Variants in SESTD1 observed in about 807,000 individuals in gnomAD.
The protein encoded by SESTD1 is SEC14 domain and spectrin repeat-containing protein 1.
A neutral mutation model predicts 101.7 loss-of-function variants in SESTD1; 43 were observed. The observed-to-expected ratio is 0.42, with a 90% confidence interval of 0.33 to 0.55. SESTD1 has a LOEUF of 0.55. SESTD1 is among the 20% of genes least tolerant of loss of function. The pLI is 0.07. For synonymous variants in SESTD1, 283 were observed against 286.8 expected, an observed-to-expected ratio of 0.99 and a Z score of 0.13; for missense variants, 647 against 815.1, an observed-to-expected ratio of 0.79 and a Z score of 2.51.
intron 1 of SESTD1, among the ~76,000 whole-genome samples, chr2:179,239,095 T>C (rs1298272188): frequency 6.6e-6 from 1 of 152,184 alleles, no homozygotes; most frequent in Non-Finnish European, 1.5e-5. Context: ...CTATGTATCT[T>C]AGTATCTGAC....
At chr2:179,115,791 C>T (rs571167561) in intron 15 of SESTD1, among the ~76,000 whole-genome samples, 1 of 151,706 alleles carries the variant, frequency 6.6e-6, no homozygotes, top group East Asian at 2.0e-4. Context: ...AGAAAAAAGT[C>T]TCCTTCTGTT....
intron 1 of SESTD1, among the ~76,000 whole-genome samples, chr2:179,249,408 C>G (rs1020198445): frequency 6.6e-6 from 1 of 151,892 alleles, no homozygotes; most frequent in Non-Finnish European, 1.5e-5. Flanking sequence ...AAAAACAATA[C>G]CATTTATAAT....
At chr2:179,152,237 A>G (rs946586324) in intron 5 of SESTD1, among the ~76,000 whole-genome samples, 41 of 152,344 alleles carry the variant, frequency 2.7e-4, no homozygotes, top group African/African-American at 9.9e-4. Flanking sequence ...CTGCAAAATT[A>G]TAACTTTTTC....
chr2:179,159,925 G>A (rs567251454), intron 5 of SESTD1, among the ~76,000 whole-genome samples: 258 of 152,322 alleles, frequency 1.7e-3, no homozygotes, highest in South Asian at 0.016. Context: ...CACGATCTCA[G>A]CTCACTGCAA....
At chr2:179,229,185 T>C (rs527644820) in intron 1 of SESTD1, among the ~76,000 whole-genome samples, 1 of 152,294 alleles carries the variant, frequency 6.6e-6, no homozygotes, top group African/African-American at 2.4e-5. Context: ...TCTGGTTATG[T>C]CCATTACAGT....
intron 9 of SESTD1, among the ~76,000 whole-genome samples, chr2:179,141,012 T>C (rs1015760050): frequency 1.3e-5 from 2 of 152,194 alleles, no homozygotes; most frequent in African/African-American, 4.8e-5. Flanking sequence ...GCACTCTTCT[T>C]ACCTCTCTCA....
At chr2:179,140,218 T>C (rs1177373540) in intron 9 of SESTD1, among the ~76,000 whole-genome samples, 1 of 152,144 alleles carries the variant, frequency 6.6e-6, no homozygotes, top group East Asian at 1.9e-4. Flanking sequence ...GGCTGAACTG[T>C]GTCCCTCCCC....
chr2:179,160,625 A>T (rs901885825), intron 5 of SESTD1, among the ~76,000 whole-genome samples: 1 of 152,112 alleles, frequency 6.6e-6, no homozygotes, highest in Admixed American at 6.5e-5. Context: ...TTAAAAATCA[A>T]ACAATCCATT....
At chr2:179,196,967 T>C (rs2046408495) in intron 1 of SESTD1, among the ~76,000 whole-genome samples, 1 of 152,226 alleles carries the variant, frequency 6.6e-6, no homozygotes. Flanking sequence ...AGAATGATTT[T>C]GATGAGCTGA....
intron 1 of SESTD1, among the ~76,000 whole-genome samples, chr2:179,211,300 GA>G (rs200037836): frequency 0.042 from 5,438 of 130,912 alleles, 1,497 homozygotes; most frequent in African/African-American, 0.16. Flanking sequence ...CACAGAATTA[GA>G]AAAAAAATCC....
chr2:179,185,698 T>C (rs1490367685), intron 2 of SESTD1, among the ~76,000 whole-genome samples: 1 of 125,188 alleles, frequency 8.0e-6, no homozygotes, highest in Admixed American at 8.5e-5. Flanking sequence ...TAATATAGTA[T>C]ATTATATACA....
intron 5 of SESTD1, among the ~76,000 whole-genome samples, chr2:179,156,738 T>C (rs565436551): frequency 2.8e-4 from 43 of 152,320 alleles, no homozygotes; most frequent in African/African-American, 9.4e-4. Flanking sequence ...ATCAGATGTA[T>C]AGATTGTGAA....
chr2:179,107,510 A>G lies in SESTD1; in HGVS notation c.*2389T>C, dbSNP rs189881136. 1 of 152,130 alleles carries G rather than the reference A, an allele frequency of 6.6e-6. No individual in the cohort carries two copies. Among genetic ancestry groups the G allele is most frequent in the East Asian group, 1.9e-4 (1 of 5,182 alleles). The allele number at this position is 152,130 out of a possible 1,614,324, so 9.4% of individuals were successfully genotyped here. Reference sequence around the variant, plus strand: ...AGCAAAGTCTTAAGAAAAACATTCTAACTACTCTGAAATTCAGAAGAAACA... The same window carrying G: ...AGCAAAGTCTTAAGAAAAACATTCTGACTACTCTGAAATTCAGAAGAAACA... On this transcript the variant is annotated 3_prime_UTR_variant, in exon 18 of 18. Coordinates refer to ENST00000428443, the MANE Select transcript of SESTD1 (RefSeq NM_178123.5).
intron 10 of SESTD1, among the ~76,000 whole-genome samples, chr2:179,126,217 A>T (rs910519492): frequency 6.6e-6 from 1 of 151,982 alleles, no homozygotes; most frequent in African/African-American, 2.4e-5. Context: ...ATCCATTCCA[A>T]TCAGGATTTT....
At chr2:179,127,956 G>A (rs2044914832) in intron 10 of SESTD1, among the ~76,000 whole-genome samples, 1 of 152,000 alleles carries the variant, frequency 6.6e-6, no homozygotes, top group African/African-American at 2.4e-5. Flanking sequence ...TAAATAAATA[G>A]GCTTAACTCT....
rs569030508 is a variant in SESTD1 at position 179,136,051 on chromosome 2, CG to C, written c.850-3626del. On this transcript the variant is annotated intron_variant, in intron 9 of 17. Coordinates refer to ENST00000428443, the MANE Select transcript of SESTD1 (RefSeq NM_178123.5). ...GCTTGGGGAAAGTATCATTTTTTCA[CG>C]AAAGAGACAGGTAAGCAGTGCGATA... 6.8e-4 allele frequency among the ~76,000 whole-genome samples: 103 copies of C among 152,138 alleles called. No homozygotes were observed. The South Asian group carries it at 0.021, about 31-fold the overall frequency.
chr2:179,197,478 GA>G (rs2046420477), intron 1 of SESTD1, among the ~76,000 whole-genome samples: 1 of 152,052 alleles, frequency 6.6e-6, no homozygotes, highest in African/African-American at 2.4e-5. Context: ...GATACTCTTC[GA>G]GAAGAGCAAC....
At position 179,103,095 on chromosome 2, in the gene SESTD1, A is replaced by T. The variant is rs575372926; in HGVS notation, c.*6804T>A. 6.6e-6 allele frequency: 1 copy of T among 152,250 alleles called. No homozygotes were observed. Among genetic ancestry groups the T allele is most frequent in the South Asian group, 2.1e-4 (1 of 4,820 alleles). 9.4% of individuals were successfully genotyped at this position (152,250 alleles called of 1,614,324 possible). On this transcript the variant is annotated 3_prime_UTR_variant, in exon 18 of 18. Coordinates refer to ENST00000428443, the MANE Select transcript of SESTD1 (RefSeq NM_178123.5). ...TGAAAGTTAGTAACATAAACAAACC[A>T]GTGCTGTTTCTTCTAGCTAACATAT...
chr2:179,174,998 C>T (rs139664014), intron 4 of SESTD1, among the ~76,000 whole-genome samples: 98 of 149,642 alleles, frequency 6.5e-4, no homozygotes, highest in African/African-American at 2.3e-3. Flanking sequence ...AAGTTTAAGC[C>T]AAACATTTAA....
Sources: allele counts gnomAD v4.1 joint callset (sites outside exome capture counted in the v4.1 genomes callset), GRCh38; gene constraint gnomAD v4.1.1; transcripts MANE v1.5; gene names NCBI Gene and HGNC (gene_info 2026-07-23, HGNC 2026-07-21).